MPHOSPH10: variants seen among roughly 807,000 people sequenced by gnomAD.
MPHOSPH10 encodes M-phase phosphoprotein 10, also known as U3 small nucleolar ribonucleoprotein MPP10.
MPHOSPH10 carries 33 observed loss-of-function variants against 77.3 expected under a neutral mutation model. That is an observed-to-expected ratio of 0.43 (90% CI 0.32 to 0.57). The LOEUF is 0.57. Ranked by LOEUF, MPHOSPH10 falls within the 20% of genes least tolerant of loss-of-function variation. The pLI is 0.07. For synonymous variants in MPHOSPH10, 245 were observed against 268.0 expected (o/e 0.91, Z 0.84); for missense variants, 708 against 780.1 (o/e 0.91, Z 1.10).
Position 71,133,288 on chromosome 2 carries a change from G to A in MPHOSPH10, c.480G>A (p.Leu160=), listed in dbSNP as rs115136870. The change falls in exon 2 of 11, where the codon CTG becomes CTA. Residue 160 remains leucine, a synonymous_variant. Coordinates refer to ENST00000244230, the MANE Select transcript of MPHOSPH10 (RefSeq NM_005791.3). ...ERAENSSKSD[L]RKSPVFSDED... is the part of the protein sequence containing the mutation. The stretch of plus-strand genomic sequence containing the variant: ...CTGAAAACTCAAGCAAATCTGATCT[G>A]AGGAAAAGCCCCGTTTTCAGTGATG... 3,006 of 1,614,134 alleles carry A rather than the reference G, an allele frequency of 1.9e-3. 5 individuals are homozygous for A. Among genetic ancestry groups the A allele is most frequent in the Middle Eastern group, 5.3e-3 (32 of 6,060 alleles).
At chr2:71,144,015 T>C (rs1673660078) in intron 7 of MPHOSPH10, among the ~76,000 whole-genome samples, 1 of 152,232 alleles carries the variant, frequency 6.6e-6, no homozygotes, top group Non-Finnish European at 1.5e-5. Flanking sequence ...GCCAAGCTTG[T>C]TGCCACTGTG....
rs144451311 is a variant in MPHOSPH10 at position 71,139,837 on chromosome 2, T to C, written c.1283T>C (p.Ile428Thr). 7.5e-6 allele frequency: 12 copies of C among 1,608,438 alleles called. No individual in the cohort carries two copies. Among genetic ancestry groups the C allele is most frequent in the African/African-American group, 5.3e-5 (4 of 74,874 alleles). ...TEETTLQLEDIIKQRIRDQAW... is the reference protein window; with the variant it reads ...TEETTLQLEDTIKQRIRDQAW... ...GAAACCACCCTTCAACTGGAAGATA[T>C]CATTAAACAGAGGATAAGAGATCAG... Residue 428 changes from isoleucine to threonine, a missense_variant, in exon 6 of 11, where the codon ATC (isoleucine) becomes ACC (threonine). Transcript: ENST00000244230.
At chr2:71,149,541 G>A in intron 10 of MPHOSPH10, 88 bp downstream of exon 10, 10 of 1,219,158 alleles carry the variant, frequency 8.2e-6, no homozygotes, top group Non-Finnish European at 1.2e-5. Flanking sequence ...GTCTGAGCCA[G>A]CTGACAGCCC....
rs1050034528 is a variant in MPHOSPH10, at chr2:71,133,442, G to C, written c.634G>C (p.Ala212Pro). 6.2e-7 allele frequency: 1 copy of C among 1,614,054 alleles called. No homozygotes were observed. The highest frequency in any genetic ancestry group is 8.5e-7 in the Non-Finnish European group (1 of 1,179,970). The change falls in exon 2 of 11, where the codon GCC becomes CCC. Residue 212 changes from alanine (A) to proline (P), a missense_variant. Ala to Pro is a conservative substitution (Grantham distance 27). Coordinates refer to ENST00000244230, the MANE Select transcript of MPHOSPH10 (RefSeq NM_005791.3). ...ATTCTTCAAACTCTCTGAAATGGAG[G>C]CCTATTTAGAAAACATAGAAAAAGA... The part of the protein sequence containing the change: ...DKFFKLSEME[A>P]YLENIEKEEE...
chr2:71,143,242 A>G (rs189702824), intron 7 of MPHOSPH10, among the ~76,000 whole-genome samples: 2 of 151,904 alleles, frequency 1.3e-5, no homozygotes, highest in East Asian at 3.9e-4. Context: ...CCCGGGTCCA[A>G]GCAATTCCCC....
In MPHOSPH10 at chr2:71,138,507, A is replaced by C. The variant is rs143656591; in HGVS notation, c.1116A>C (p.Ala372=). 4 of 1,583,766 alleles carry C rather than the reference A, an allele frequency of 2.5e-6. No homozygotes were observed. Among genetic ancestry groups the C allele is most frequent in the Non-Finnish European group, 8.6e-7 (1 of 1,166,836 alleles). ...TTTCTTAGATGAATGAAAAAATTGC[A>C]TCTTTAGAAAAAGAGTTGTTAGAAA... ...KRQEKMNEKI[A]SLEKELLEKK... Residue 372 remains alanine, a synonymous_variant, in exon 5 of 11, where the codon GCA becomes GCC. Transcript: ENST00000244230.
intron 7 of MPHOSPH10, among the ~76,000 whole-genome samples, chr2:71,143,203 G>A (rs1186163452): frequency 1.3e-5 from 2 of 149,700 alleles, no homozygotes; most frequent in African/African-American, 2.5e-5. Context: ...GTGCAGTGGC[G>A]TGATCTAAGC....
intron 7 of MPHOSPH10, among the ~76,000 whole-genome samples, chr2:71,143,230 C>T (rs1229076549): frequency 1.3e-5 from 2 of 151,570 alleles, no homozygotes; most frequent in East Asian, 3.9e-4. Flanking sequence ...CAACGTCTGC[C>T]TCCCGGGTCC....
In MPHOSPH10 at chr2:71,141,270, G is replaced by A. The variant is rs780998562; in HGVS notation, c.1347G>A (p.Glu449=). 2.1e-5 allele frequency: 33 copies of A among 1,557,042 alleles called. No homozygotes were observed. Among genetic ancestry groups the A allele is most frequent in the Middle Eastern group, 1.7e-4 (1 of 5,916 alleles). The change falls in exon 7 of 11, where the codon GAG becomes GAA. Residue 449 remains glutamate (E), a synonymous_variant. Coordinates refer to ENST00000244230, the MANE Select transcript of MPHOSPH10 (RefSeq NM_005791.3). ...DDVVRKEKPK[E]DAYEYKKRLT... ...TAGTACGTAAAGAAAAACCTAAAGA[G>A]GATGCATATGAATATAAAAAGCGTT...
chr2:71,137,656 C>CAAAAAA (rs60072810), intron 4 of MPHOSPH10, among the ~76,000 whole-genome samples: 2 of 46,350 alleles, frequency 4.3e-5, no homozygotes, highest in Admixed American at 2.1e-4. Context: ...GAGACTGTCT[C>CAAAAAA]AAAAAAAAAA....
intron 8 of MPHOSPH10, among the ~76,000 whole-genome samples, chr2:71,145,488 T>A (rs1405725125): frequency 1.4e-5 from 2 of 142,862 alleles, no homozygotes; most frequent in East Asian, 4.1e-4. Context: ...TTTAACCTGG[T>A]TGTTTTTTTT....
At chr2:71,141,776 T>C (rs934236106) in intron 7 of MPHOSPH10, among the ~76,000 whole-genome samples, 2 of 152,284 alleles carry the variant, frequency 1.3e-5, no homozygotes, top group Non-Finnish European at 2.9e-5. Flanking sequence ...ACATCTGTAA[T>C]CCCAGCACTT....
intron 6 of MPHOSPH10, among the ~76,000 whole-genome samples, 197 bp downstream of exon 6, chr2:71,140,059 C>T (rs1673582605): frequency 6.6e-6 from 1 of 152,090 alleles, no homozygotes; most frequent in Non-Finnish European, 1.5e-5. Context: ...AGTATTGTGC[C>T]TGAGAGGAGC....
intron 4 of MPHOSPH10, among the ~76,000 whole-genome samples, chr2:71,136,071 T>A (rs182911769): frequency 5.3e-5 from 8 of 152,324 alleles, no homozygotes; most frequent in Admixed American, 5.2e-4. Context: ...GAATTTTAAT[T>A]TATACCATCA....
At chr2:71,146,484 C>T (rs1673711226) in intron 8 of MPHOSPH10, among the ~76,000 whole-genome samples, 1 of 152,040 alleles carries the variant, frequency 6.6e-6, no homozygotes, top group Admixed American at 6.6e-5. Flanking sequence ...TACAGGCATG[C>T]ACCACCACGG....
intron 5 of MPHOSPH10, chr2:71,139,240 A>G (rs1673562162): frequency 6.2e-6 from 1 of 161,520 alleles, no homozygotes; most frequent in African/African-American, 2.4e-5. Flanking sequence ...GTACTTTTGC[A>G]GATATCGTCT....
intron 7 of MPHOSPH10, among the ~76,000 whole-genome samples, chr2:71,141,763 C>G (rs1673618196): frequency 6.6e-6 from 1 of 152,250 alleles, no homozygotes; most frequent in Non-Finnish European, 1.5e-5. Context: ...GGTATGGTGG[C>G]TCACATCTGT....
Position 71,149,330 on chromosome 2 carries a change from G to A in MPHOSPH10, c.1773G>A (p.Glu591=). The change falls in exon 10 of 11, where the codon GAG becomes GAA. Residue 591 remains glutamate, a synonymous_variant. Coordinates refer to ENST00000244230, the MANE Select transcript of MPHOSPH10 (RefSeq NM_005791.3). ...ATCAAAAGCGTATGAAAATAAAAGA[G>A]AAGGAGAAGCGGAGAAAACTGCTTG... ...KKYQKRMKIK[E]KEKRRKLLEK... is the part of the protein sequence containing the mutation. 6.2e-7 allele frequency: 1 copy of A among 1,613,756 alleles called. No homozygotes were observed. Among genetic ancestry groups the A allele is most frequent in the Admixed American group, 1.7e-5 (1 of 59,996 alleles).
chr2:71,134,866 C>CT, intron 4 of MPHOSPH10, 69 bp downstream of exon 4: 1 of 1,258,132 alleles, frequency 7.9e-7, no homozygotes, highest in East Asian at 2.3e-5. Context: ...ATTAACCATC[C>CT]TTTGAAAACA....
Sources: allele counts gnomAD v4.1 joint callset (sites outside exome capture counted in the v4.1 genomes callset), GRCh38; gene constraint gnomAD v4.1.1; transcripts MANE v1.5; gene names NCBI Gene and HGNC (gene_info 2026-07-23, HGNC 2026-07-21).